Variants in ANKRD17 observed in about 807,000 individuals in gnomAD.
ANKRD17 encodes ankyrin repeat domain 17, also known as ankyrin repeat domain-containing protein 17.
A neutral mutation model predicts 229.7 loss-of-function variants in ANKRD17; 19 were observed. That is an observed-to-expected ratio of 0.08 (90% CI 0.06 to 0.12). The LOEUF is 0.12. Ranked by LOEUF, ANKRD17 falls within the 10% of genes least tolerant of loss-of-function variation. The probability of loss-of-function intolerance (pLI) is 1.00; values close to 1 mark genes in which losing one functional copy is unlikely to be tolerated. For missense variants in ANKRD17, 2,176 were observed against 3,176.8 expected, an observed-to-expected ratio of 0.68 and a Z score of 7.57; for synonymous variants, 1,112 against 1,146.1, an observed-to-expected ratio of 0.97 and a Z score of 0.60.
intron 2 of ANKRD17, among the ~76,000 whole-genome samples, chr4:73,171,699 TA>T (rs1734062119): frequency 6.6e-6 from 1 of 152,116 alleles, no homozygotes; most frequent in Admixed American, 6.6e-5. Context: ...TTCTATCAGA[TA>T]AATTTAACGA....
At chr4:73,150,729 C>T (rs1023444739) in intron 7 of ANKRD17, among the ~76,000 whole-genome samples, 1 of 152,046 alleles carries the variant, frequency 6.6e-6, no homozygotes, top group Non-Finnish European at 1.5e-5. Context: ...CCCTTTCTAC[C>T]GCTGGCCTGT....
In ANKRD17 at chr4:73,140,091, T is replaced by C. The variant is rs1239305388; in HGVS notation, c.2525A>G (p.Gln842Arg). 1 of 1,614,226 alleles carries C rather than the reference T, an allele frequency of 6.2e-7. No individual in the cohort carries two copies. ...LQSLELAHADQLTKEKIEELN... is the reference protein window; with the variant it reads ...LQSLELAHADRLTKEKIEELN... The stretch of plus-strand genomic sequence containing the variant: ...CTCCTCGATCTTCTCCTTGGTAAGT[T>C]GGTCAGCATGAGCCAGTTCCAAGGA... Residue 842 changes from glutamine to arginine, a missense_variant, in exon 15 of 34, where the codon CAA becomes CGA. Physicochemically the swap from Gln to Arg is conservative, Grantham distance 43. Coordinates refer to ENST00000358602, the MANE Select transcript of ANKRD17 (RefSeq NM_032217.5).
chr4:73,163,091 C>A (rs1305404395), intron 2 of ANKRD17, among the ~76,000 whole-genome samples: 15 of 150,432 alleles, frequency 1.0e-4, no homozygotes. Flanking sequence ...GTCTTGAACT[C>A]CTAGTTTAAG....
chr4:73,195,742 C>G (rs1314128121), intron 1 of ANKRD17, among the ~76,000 whole-genome samples: 1 of 152,094 alleles, frequency 6.6e-6, no homozygotes, highest in Admixed American at 6.5e-5. Context: ...CCCCTGACCT[C>G]GTGATCTGCC....
chr4:73,220,071 C>CAT, intron 1 of ANKRD17, among the ~76,000 whole-genome samples: 1 of 152,190 alleles, frequency 6.6e-6, no homozygotes, highest in Middle Eastern at 3.4e-3. Flanking sequence ...AGCCCTTGGC[C>CAT]ATGTAAATTT....
At chr4:73,238,137 ACTCT>A (rs557210579) in intron 1 of ANKRD17, among the ~76,000 whole-genome samples, 3 of 151,602 alleles carry the variant, frequency 2.0e-5, no homozygotes, top group African/African-American at 7.3e-5. Flanking sequence ...TTTTCATAAG[ACTCT>A]CTATTTTTAT....
chr4:73,180,662 G>C (rs1163912657), intron 1 of ANKRD17, among the ~76,000 whole-genome samples: 1 of 152,126 alleles, frequency 6.6e-6, no homozygotes, highest in East Asian at 1.9e-4. Flanking sequence ...AGAAAAGAGA[G>C]GGGCTATCAA....
intron 30 of ANKRD17, among the ~76,000 whole-genome samples, chr4:73,082,065 G>A (rs953179825): frequency 1.3e-5 from 2 of 151,220 alleles, no homozygotes; most frequent in African/African-American, 4.9e-5. Context: ...CAGGAAGATT[G>A]CTTGAGCCCA....
intron 5 of ANKRD17, 150 bp downstream of exon 5, chr4:73,155,481 T>C (rs1245190793): frequency 4.9e-6 from 4 of 815,756 alleles, no homozygotes; most frequent in Middle Eastern, 3.2e-4. Context: ...ATATTCTATA[T>C]ACTTCAAAAC....
intron 1 of ANKRD17, among the ~76,000 whole-genome samples, chr4:73,191,960 A>G (rs2149068062): frequency 6.6e-6 from 1 of 152,200 alleles, no homozygotes; most frequent in African/African-American, 2.4e-5. Flanking sequence ...AAGACTATAA[A>G]TAACCCATAT....
At chr4:73,103,826 C>G (rs576234897) in intron 24 of ANKRD17, among the ~76,000 whole-genome samples, 3 of 114,190 alleles carry the variant, frequency 2.6e-5, no homozygotes, top group African/African-American at 1.0e-4. Context: ...TAACCCTCTC[C>G]GGTTTTTTTT....
intron 1 of ANKRD17, among the ~76,000 whole-genome samples, chr4:73,231,867 A>G (rs2149242128): frequency 6.6e-6 from 1 of 152,306 alleles, no homozygotes; most frequent in Non-Finnish European, 1.5e-5. Flanking sequence ...AAGTCTCCAT[A>G]AACGCCTATA....
At chr4:73,255,838 C>T (rs968668488) in intron 1 of ANKRD17, among the ~76,000 whole-genome samples, 15 of 152,142 alleles carry the variant, frequency 9.9e-5, no homozygotes, top group African/African-American at 3.4e-4. Flanking sequence ...ATTCTCCTGC[C>T]TCAGCCTCCC....
At chr4:73,086,952 A>ATATATATATC (rs1457638208) in intron 29 of ANKRD17, among the ~76,000 whole-genome samples, 1 of 96,780 alleles carries the variant, frequency 1.0e-5, no homozygotes, top group Admixed American at 1.2e-4. Flanking sequence ...ATATATATAT[A>ATATATATATC]TCTGTAGGAT....
At chr4:73,097,980 C>T in intron 26 of ANKRD17, 93 bp downstream of exon 26, 1 of 1,208,774 alleles carries the variant, frequency 8.3e-7, no homozygotes, top group Non-Finnish European at 1.2e-6. Flanking sequence ...TCCTATTTTG[C>T]AAGTTGCAAA....
At chr4:73,110,779 C>T (rs999924981) in intron 24 of ANKRD17, among the ~76,000 whole-genome samples, 123 of 152,068 alleles carry the variant, frequency 8.1e-4, no homozygotes, top group African/African-American at 2.6e-3. Flanking sequence ...ATATGTTCCA[C>T]GTTCACTCAA....
Position 73,074,507 on chromosome 4 carries a change from G to A in ANKRD17, c.*1724C>T, listed in dbSNP as rs970644860. ...AAATTTGGGCATATTAAACATAGGTGGAAAAACAAATTTATATATTTTAAG... is the reference window on the plus strand; with the variant it reads ...AAATTTGGGCATATTAAACATAGGTAGAAAAACAAATTTATATATTTTAAG... On this transcript the variant is annotated 3_prime_UTR_variant, in exon 34 of 34. Coordinates refer to ENST00000358602, the MANE Select transcript of ANKRD17 (RefSeq NM_032217.5). The A allele has an allele frequency of 1.3e-5, 2 of 151,650 alleles. No individual in the cohort carries two copies. Among genetic ancestry groups the A allele is most frequent in the African/African-American group, 4.8e-5 (2 of 41,318 alleles). 9.4% of individuals were successfully genotyped at this position (151,650 alleles called of 1,614,324 possible).
chr4:73,093,503 G>A (rs993746078), intron 28 of ANKRD17, among the ~76,000 whole-genome samples: 18 of 148,100 alleles, frequency 1.2e-4, no homozygotes, highest in Admixed American at 6.2e-4. Flanking sequence ...TCAGCCTCCC[G>A]AGTAGCTGAG....
chr4:73,087,723 C>A (rs947305910), intron 29 of ANKRD17, among the ~76,000 whole-genome samples: 2 of 152,114 alleles, frequency 1.3e-5, no homozygotes, highest in Non-Finnish European at 2.9e-5. Flanking sequence ...TTATTGGGTG[C>A]AGTAATAGTG....
Sources: gnomAD v4.1 joint callset for allele counts (sites outside exome capture counted in the v4.1 genomes callset) on GRCh38, gnomAD v4.1.1 for gene constraint, MANE v1.5 for transcripts, NCBI Gene and HGNC (gene_info 2026-07-23, HGNC 2026-07-21) for gene names.